The following ANKIB1 variants were observed in gnomAD, a reference collection of about 807,000 sequenced individuals.
ANKIB1 encodes ankyrin repeat and IBR domain-containing protein 1.
ANKIB1 carries 43 observed loss-of-function variants against 122.1 expected under a neutral mutation model. The ratio of observed to expected loss-of-function variants is 0.35; its 90% confidence interval spans 0.28 to 0.45. ANKIB1 has a LOEUF of 0.45. Ranked by LOEUF, ANKIB1 falls within the 20% of genes least tolerant of loss-of-function variation. The pLI is 1.00. For synonymous variants in ANKIB1, 390 were observed against 442.0 expected (o/e 0.88, Z 1.48); for missense variants, 992 against 1,329.5 (o/e 0.75, Z 3.95).
At chr7:92,373,976 T>TAGA (rs1804327963) in intron 11 of ANKIB1, among the ~76,000 whole-genome samples, 1 of 152,210 alleles carries the variant, frequency 6.6e-6, no homozygotes, top group Non-Finnish European at 1.5e-5. Flanking sequence ...TTATAAAATG[T>TAGA]AGAAGATTTA....
intron 10 of ANKIB1, among the ~76,000 whole-genome samples, chr7:92,365,649 A>C (rs1046784264): frequency 1.3e-5 from 2 of 152,036 alleles, no homozygotes; most frequent in Non-Finnish European, 2.9e-5. Context: ...GATAAAATGG[A>C]GATTATTGAG....
intron 12 of ANKIB1, 96 bp from the exon 13 acceptor site, chr7:92,387,698 ACTAC>A: frequency 1.3e-6 from 1 of 764,000 alleles, no homozygotes; most frequent in Non-Finnish European, 2.1e-6. Flanking sequence ...TGAATGCACT[ACTAC>A]CTATCACTAA....
At position 92,270,935 on chromosome 7, in the gene ANKIB1, T is replaced by G. The variant is rs190802801; in HGVS notation, c.-90-23954T>G. On this transcript the variant is annotated intron_variant, in intron 1 of 19. Coordinates refer to ENST00000265742, the MANE Select transcript of ANKIB1 (RefSeq NM_019004.2). ...TCATTCTGTTAATGACAGTCTCTTTTGCAGAGCACAGGTTTTTAATTTTGA... is the reference window on the plus strand; with the variant it reads ...TCATTCTGTTAATGACAGTCTCTTTGGCAGAGCACAGGTTTTTAATTTTGA... 4.3e-4 allele frequency among the ~76,000 whole-genome samples: 65 copies of G among 152,124 alleles called. No individual in the cohort carries two copies. In the Middle Eastern group the frequency reaches 0.01, roughly 24 times the overall value.
intron 1 of ANKIB1, among the ~76,000 whole-genome samples, chr7:92,259,911 G>T (rs922385693): frequency 8.6e-5 from 13 of 152,034 alleles, no homozygotes; most frequent in Admixed American, 2.0e-4. Context: ...AGTACATCAA[G>T]AATCCAACTA....
At chr7:92,339,321 C>A (rs970058478) in intron 5 of ANKIB1, among the ~76,000 whole-genome samples, 17 of 151,922 alleles carry the variant, frequency 1.1e-4, no homozygotes, top group South Asian at 8.3e-4. Context: ...GGATTACAGG[C>A]GTGAGCCACC....
rs374049644 is a variant in ANKIB1, at chr7:92,299,429, A to G, written c.188+4263A>G. 3.2e-4 allele frequency among the ~76,000 whole-genome samples: 48 copies of G among 152,366 alleles called. 1 individual carries two copies. The highest frequency in any genetic ancestry group is 9.9e-4 in the African/African-American group (41 of 41,592). ...CAAAAAGGTCATTGATATCATTTCA[A>G]ATACTACACTGCAACTAATCTTTAA... On this transcript the variant is annotated intron_variant, in intron 2 of 19. Transcript: ENST00000265742.
chr7:92,376,690 C>A (rs1804390343), intron 11 of ANKIB1, among the ~76,000 whole-genome samples: 1 of 152,086 alleles, frequency 6.6e-6, no homozygotes, highest in Admixed American at 6.6e-5. Flanking sequence ...CTCAGGTAAT[C>A]CACCCTCCTA....
chr7:92,398,451 A>T lies in ANKIB1; in HGVS notation c.2772A>T (p.Arg924Ser), dbSNP rs1319293972. 6 of 1,613,894 alleles carry T rather than the reference A, an allele frequency of 3.7e-6. No individual in the cohort carries two copies. The South Asian group carries it at 5.5e-5, about 15-fold the overall frequency. The stretch of plus-strand genomic sequence containing the variant: ...TGGAACTTGGTGACAGCCTCATGAG[A>T]CTAGGAGCAGAGAATGACCCATTTT... ...ELLELGDSLM[R>S]LGAENDPFST... Residue 924 changes from arginine to serine, a missense_variant, in exon 20 of 20, where the codon AGA (arginine) becomes AGT (serine). This residue lies in a region of ANKIB1 where 384 missense variants were observed against 412.0 expected (regional missense o/e 0.93). Transcript: ENST00000265742.
Position 92,307,333 on chromosome 7 carries a change from T to G in ANKIB1, c.189-26T>G, listed in dbSNP as rs776978639. 2.5e-6 allele frequency: 4 copies of G among 1,581,328 alleles called. No homozygotes were observed. The African/African-American group carries it at 5.4e-5, about 21-fold the overall frequency. ...TAGAAAATAAGTGATTTTCATCCTT[T>G]ATTTTTCCCTTTCTTTCCATTTTAG... On this transcript the variant is annotated intron_variant, in intron 2 of 19. Coordinates refer to ENST00000265742, the MANE Select transcript of ANKIB1 (RefSeq NM_019004.2).
chr7:92,272,883 CCTAGG>C (rs1801825737), intron 1 of ANKIB1, among the ~76,000 whole-genome samples: 1 of 152,024 alleles, frequency 6.6e-6, no homozygotes. Flanking sequence ...GCCTATTGCT[CCTAGG>C]CTATAAACCT....
chr7:92,335,288 G>A (rs1803262941), intron 5 of ANKIB1, among the ~76,000 whole-genome samples: 1 of 151,842 alleles, frequency 6.6e-6, no homozygotes, highest in African/African-American at 2.4e-5. Context: ...GAAATTTGTT[G>A]AGGCTTGTTT....
chr7:92,351,653 G>C (rs747367276), intron 8 of ANKIB1, among the ~76,000 whole-genome samples: 157 of 150,230 alleles, frequency 1.0e-3, no homozygotes, highest in Non-Finnish European at 1.9e-3. Context: ...CATTTTAACT[G>C]CTTTGTGCAG....
At position 92,305,005 on chromosome 7, in the gene ANKIB1, G is replaced by A. The variant is rs1334718732; in HGVS notation, c.189-2354G>A. ...ATATTTCCACTTAGTTATAACACTC[G>A]TGGATAGACTTTAAATGACTATAAT... is the stretch of plus-strand genomic sequence containing the variant. On this transcript the variant is annotated intron_variant, in intron 2 of 19. Coordinates refer to ENST00000265742, the MANE Select transcript of ANKIB1 (RefSeq NM_019004.2). Among the ~76,000 whole-genome samples, 15 of 152,218 alleles carry A rather than the reference G, an allele frequency of 9.9e-5. No individual in the cohort carries two copies. The South Asian group carries it at 1.5e-3, about 15-fold the overall frequency.
At chr7:92,293,952 A>G (rs1802300057) in intron 1 of ANKIB1, among the ~76,000 whole-genome samples, 1 of 152,232 alleles carries the variant, frequency 6.6e-6, no homozygotes, top group African/African-American at 2.4e-5. Flanking sequence ...TACTTTAAGT[A>G]ACTCTTATAA....
intron 1 of ANKIB1, among the ~76,000 whole-genome samples, chr7:92,277,196 C>CAGT (rs1801922719): frequency 1.3e-5 from 2 of 152,178 alleles, no homozygotes; most frequent in Non-Finnish European, 2.9e-5. Flanking sequence ...CCAGTTTAAC[C>CAGT]TCTTTTCTTT....
chr7:92,387,144 G>C (rs1804672572), intron 12 of ANKIB1, among the ~76,000 whole-genome samples: 1 of 152,118 alleles, frequency 6.6e-6, no homozygotes, highest in South Asian at 2.1e-4. Flanking sequence ...AAGACAGAGA[G>C]ACCTCTGGTG....
chr7:92,378,310 A>G (rs1453555918), intron 11 of ANKIB1, among the ~76,000 whole-genome samples: 10 of 152,118 alleles, frequency 6.6e-5, no homozygotes, highest in African/African-American at 2.2e-4. Context: ...GTCAGTGCTG[A>G]AAAAGTTTTG....
chr7:92,266,873 T>C (rs1331165739), intron 1 of ANKIB1, among the ~76,000 whole-genome samples: 1 of 152,198 alleles, frequency 6.6e-6, no homozygotes, highest in Non-Finnish European at 1.5e-5. Context: ...TCCCATATCT[T>C]CTACTGACAA....
chr7:92,279,897 C>T (rs748972516), intron 1 of ANKIB1, among the ~76,000 whole-genome samples: 10 of 152,198 alleles, frequency 6.6e-5, no homozygotes, highest in Non-Finnish European at 1.3e-4. Flanking sequence ...CACATACACA[C>T]ACACATCAGG....
Sources: gnomAD v4.1 joint callset for allele counts (sites outside exome capture counted in the v4.1 genomes callset) on GRCh38, gnomAD v4.1.1 for gene constraint, gnomAD v4.1.1 regional missense constraint, MANE v1.5 for transcripts, NCBI Gene and HGNC (gene_info 2026-07-23, HGNC 2026-07-21) for gene names.